FBXL2: variants seen among roughly 807,000 people sequenced by gnomAD.
FBXL2 encodes the protein F-box and leucine rich repeat protein 2, also known as F-box/LRR-repeat protein 2.
FBXL2 carries 38 observed loss-of-function variants against 69.2 expected under a neutral mutation model. That is an observed-to-expected ratio of 0.55 (90% CI 0.42 to 0.72). The LOEUF is 0.72. Among genes scored for constraint, FBXL2 ranks in the 30% least tolerant of loss-of-function variants. FBXL2 has a pLI of 0.00. For synonymous variants in FBXL2, 192 were observed against 201.3 expected (o/e 0.95, Z 0.39); for missense variants, 354 against 520.3 (o/e 0.68, Z 3.11).
At chr3:33,313,530 C>T (rs1051967062) in intron 2 of FBXL2, among the ~76,000 whole-genome samples, 2 of 152,164 alleles carry the variant, frequency 1.3e-5, no homozygotes, top group Non-Finnish European at 2.9e-5. Flanking sequence ...ACTGCAACCT[C>T]AACCTCCTGG....
chr3:33,396,029 G>A (rs900989573), intron 12 of FBXL2: 13 of 722,126 alleles, frequency 1.8e-5, no homozygotes, highest in Non-Finnish European at 1.7e-5. Flanking sequence ...TCTCATTGCT[G>A]TCAAGGCTCC....
intron 2 of FBXL2, among the ~76,000 whole-genome samples, chr3:33,310,042 T>G (rs2037052621): frequency 6.6e-6 from 1 of 152,194 alleles, no homozygotes; most frequent in African/African-American, 2.4e-5. Flanking sequence ...ACATTGTTTC[T>G]TTCCTCCCCT....
chr3:33,411,989 C>A, the FBXL2 span, among the ~76,000 whole-genome samples: 5 of 151,952 alleles, frequency 3.3e-5, no homozygotes, highest in East Asian at 1.9e-4. Flanking sequence ...GAGTTTGAGA[C>A]CAGCCTGGCG....
chr3:33,346,439 GC>G (rs1318596468), intron 2 of FBXL2, among the ~76,000 whole-genome samples: 2 of 151,880 alleles, frequency 1.3e-5, no homozygotes, highest in Non-Finnish European at 2.9e-5. Context: ...GGGGATGGTG[GC>G]ATGTGCCTGT....
At chr3:33,334,177 A>T (rs1397722148) in intron 2 of FBXL2, among the ~76,000 whole-genome samples, 3 of 152,226 alleles carry the variant, frequency 2.0e-5, no homozygotes, top group Non-Finnish European at 4.4e-5. Context: ...AAATTAGCAG[A>T]AAAATGTGAC....
At chr3:33,383,598 G>C in intron 13 of FBXL2, 1 of 232,734 alleles carries the variant, frequency 4.3e-6, no homozygotes, top group Non-Finnish European at 8.6e-6. Flanking sequence ...CTCAAATGGA[G>C]AACTGGCCAA....
intron 10 of FBXL2, among the ~76,000 whole-genome samples, chr3:33,375,746 C>T (rs770234035): frequency 6.6e-6 from 1 of 152,166 alleles, no homozygotes; most frequent in Non-Finnish European, 1.5e-5. Context: ...GATAGCCTCA[C>T]ATCCAAAGGA....
Position 33,386,246 on chromosome 3 carries a change from C to A in FBXL2, c.*638C>A, listed in dbSNP as rs1037348466. On this transcript the variant is annotated 3_prime_UTR_variant, in exon 15 of 15. Transcript: ENST00000484457. ...CACCTTTTTGTTTCTGTCAACTTGT[C>A]ATATACACCTCCAGGGACCAAAAAC... 3 of 153,934 alleles carry A rather than the reference C, an allele frequency of 1.9e-5. No homozygotes were observed. Among genetic ancestry groups the A allele is most frequent in the Admixed American group, 1.3e-4 (2 of 15,494 alleles). 9.5% of individuals were successfully genotyped at this position (153,934 alleles called of 1,614,324 possible).
At chr3:33,410,992 G>C in the FBXL2 span, among the ~76,000 whole-genome samples, 1 of 150,902 alleles carries the variant, frequency 6.6e-6, no homozygotes, top group Admixed American at 6.6e-5. Flanking sequence ...AGAAGAGCTT[G>C]AATCTGGGAG....
At chr3:33,356,757 G>A (rs1468228935) in intron 2 of FBXL2, among the ~76,000 whole-genome samples, 2 of 152,142 alleles carry the variant, frequency 1.3e-5, no homozygotes, top group African/African-American at 2.4e-5. Flanking sequence ...GTGATTGATC[G>A]TACATTGTTG....
At chr3:33,277,160 T>C (rs1422095245), upstream of FBXL2, 2 of 280,280 alleles carry the variant, frequency 7.1e-6, no homozygotes, top group Admixed American at 5.4e-5. Context: ...TCAATAATCA[T>C]GCATTACCTG....
At chr3:33,395,750 G>GAAAAAAAAAAAAA (rs61654235) in intron 12 of FBXL2, among the ~76,000 whole-genome samples, 3 of 69,788 alleles carry the variant, frequency 4.3e-5, no homozygotes, top group East Asian at 3.3e-4. Flanking sequence ...CAGGAAAATT[G>GAAAAAAAAAAAAA]AAAAAAAAAA....
chr3:33,400,035 A>G (rs1306416072), intron 12 of FBXL2, among the ~76,000 whole-genome samples: 1 of 152,210 alleles, frequency 6.6e-6, no homozygotes, highest in Admixed American at 6.5e-5. Context: ...AGATATTCCT[A>G]TTGGGGGATA....
At chr3:33,394,588 TCTCA>T (rs2043894630) in intron 12 of FBXL2, among the ~76,000 whole-genome samples, 1 of 152,076 alleles carries the variant, frequency 6.6e-6, no homozygotes, top group Non-Finnish European at 1.5e-5. Context: ...CTGTAGTGAG[TCTCA>T]CTCTTGTACG....
intron 2 of FBXL2, among the ~76,000 whole-genome samples, chr3:33,326,197 C>G (rs1489396587): frequency 6.6e-6 from 1 of 152,040 alleles, no homozygotes; most frequent in African/African-American, 2.4e-5. Context: ...TGAAGCTGCC[C>G]TTAAAGAAAA....
the FBXL2 span, among the ~76,000 whole-genome samples, chr3:33,417,167 TA>T: frequency 0.014 from 2,205 of 152,332 alleles, 21 homozygotes; most frequent in South Asian, 0.026. Flanking sequence ...TTCACATTTT[TA>T]AAAAGTGTGT....
intron 2 of FBXL2, among the ~76,000 whole-genome samples, chr3:33,348,772 G>T (rs2040630175): frequency 6.6e-6 from 1 of 151,906 alleles, no homozygotes; most frequent in Non-Finnish European, 1.5e-5. Context: ...TTTTTTGTGT[G>T]TGTTCTTTTT....
chr3:33,411,853 A>G, the FBXL2 span, among the ~76,000 whole-genome samples: 20 of 152,164 alleles, frequency 1.3e-4, no homozygotes, highest in East Asian at 3.9e-4. Context: ...CCCTAAACGA[A>G]TATCATCGTT....
In FBXL2 at chr3:33,375,404, C is replaced by G; in HGVS notation, c.774C>G (p.Asn258Lys). The G allele has an allele frequency of 6.2e-7, 1 of 1,614,132 alleles. No individual in the cohort carries two copies. Among genetic ancestry groups the G allele is most frequent in the Non-Finnish European group, 8.5e-7 (1 of 1,179,972 alleles). Residue 258 changes from asparagine (N) to lysine (K), a missense_variant, in exon 10 of 15, where the codon AAC (asparagine) becomes AAG (lysine). By Grantham distance (94) the Asn-to-Lys change is moderately conservative. Transcript: ENST00000484457. ...TDASLTALGL[N>K]CPRLQILEAA... ...CCTCTCTTACAGCCCTGGGTTTGAA[C>G]TGTCCGCGACTGCAGTGAGTACACT...
Sources: gnomAD v4.1 joint callset for allele counts (sites outside exome capture counted in the v4.1 genomes callset) on GRCh38, gnomAD v4.1.1 for gene constraint, MANE v1.5 for transcripts, NCBI Gene and HGNC (gene_info 2026-07-23, HGNC 2026-07-21) for gene names.